MUC7: variants seen among roughly 807,000 people sequenced by gnomAD.
The protein encoded by MUC7 is mucin-7.
In MUC7, 2 loss-of-function variants were observed where a neutral mutation model predicts 2.5. The observed-to-expected ratio is 0.81, with a 90% CI of 0.33 to 2.55. The LOEUF is 2.55. MUC7 is among the 30% of genes most tolerant of loss of function. The pLI is 0.11. For synonymous variants in MUC7, 133 were observed against 173.4 expected (o/e 0.77, Z 1.83); for missense variants, 408 against 455.6 (o/e 0.90, Z 0.95).
chr4:70,440,978 C>G (rs1733990662), intron 1 of MUC7, among the ~76,000 whole-genome samples: 2 of 151,810 alleles, frequency 1.3e-5, no homozygotes, highest in African/African-American at 4.8e-5. Context: ...AGTTGGGAGG[C>G]AGAAAAAAAT....
At chr4:70,433,674 G>A (rs1306725586) in intron 1 of MUC7, among the ~76,000 whole-genome samples, 2 of 152,082 alleles carry the variant, frequency 1.3e-5, no homozygotes, top group African/African-American at 2.4e-5. Flanking sequence ...CTGCAAACAG[G>A]GACAATTTGA....
At chr4:70,462,816 A>AG (rs940965245) in intron 1 of MUC7, among the ~76,000 whole-genome samples, 2 of 152,048 alleles carry the variant, frequency 1.3e-5, no homozygotes, top group African/African-American at 4.8e-5. Context: ...CTAAAAAAAA[A>AG]AATAAATTAG....
intron 1 of MUC7, among the ~76,000 whole-genome samples, chr4:70,441,637 T>G (rs531617466): frequency 6.6e-6 from 1 of 152,326 alleles, no homozygotes; most frequent in East Asian, 1.9e-4. Context: ...TTAAGATGCT[T>G]CTGAAAGGCA....
chr4:70,436,306 G>T (rs142829339), intron 1 of MUC7, among the ~76,000 whole-genome samples: 28 of 152,080 alleles, frequency 1.8e-4, no homozygotes, highest in African/African-American at 6.3e-4. Flanking sequence ...TTCTAATTTG[G>T]TTCCATTCTC....
At chr4:70,435,293 G>C (rs891905592) in intron 1 of MUC7, among the ~76,000 whole-genome samples, 1 of 151,896 alleles carries the variant, frequency 6.6e-6, no homozygotes, top group Non-Finnish European at 1.5e-5. Context: ...ATCTAATATT[G>C]ACAGTGGGGT....
At chr4:70,458,979 C>T (rs908247849) in intron 1 of MUC7, among the ~76,000 whole-genome samples, 2 of 151,962 alleles carry the variant, frequency 1.3e-5, no homozygotes, top group Non-Finnish European at 2.9e-5. Context: ...TCTATCTAGA[C>T]AATATAAAAG....
At chr4:70,460,955 C>T (rs939160808) in intron 1 of MUC7, among the ~76,000 whole-genome samples, 3 of 152,162 alleles carry the variant, frequency 2.0e-5, no homozygotes, top group South Asian at 2.1e-4. Context: ...CAGATCACTG[C>T]GTATGCTAGT....
chr4:70,451,443 G>GT (rs1162612849), intron 1 of MUC7, among the ~76,000 whole-genome samples: 1 of 152,108 alleles, frequency 6.6e-6, no homozygotes, highest in Admixed American at 6.6e-5. Context: ...TTATGAAGGT[G>GT]TTTTTTTCTC....
chr4:70,480,152 T>C (rs41319346), intron 2 of MUC7, among the ~76,000 whole-genome samples: 1,951 of 152,332 alleles, frequency 0.013, 43 homozygotes, highest in African/African-American at 0.045. Flanking sequence ...TCTCTAAAAA[T>C]CAGATGACTC....
intron 1 of MUC7, among the ~76,000 whole-genome samples, chr4:70,439,490 G>T (rs1733949346): frequency 6.6e-6 from 1 of 152,170 alleles, no homozygotes; most frequent in South Asian, 2.1e-4. Context: ...AAGTCGAGAG[G>T]TTAGGTAGTA....
At chr4:70,441,738 T>C (rs2109705896) in intron 1 of MUC7, among the ~76,000 whole-genome samples, 1 of 152,334 alleles carries the variant, frequency 6.6e-6, no homozygotes, top group Admixed American at 6.5e-5. Context: ...GGCTGCAATC[T>C]GGGTTGACAA....
chr4:70,437,180 T>C (rs1325885159), intron 1 of MUC7, among the ~76,000 whole-genome samples: 1 of 152,198 alleles, frequency 6.6e-6, no homozygotes, highest in African/African-American at 2.4e-5. Context: ...GAGGAGGCAG[T>C]CTGTCTGTTC....
intron 1 of MUC7, among the ~76,000 whole-genome samples, chr4:70,441,451 T>A (rs1206904222): frequency 6.6e-6 from 1 of 152,122 alleles, no homozygotes; most frequent in East Asian, 1.9e-4. Context: ...TTTAAAATAG[T>A]GTATCAGCAA....
chr4:70,448,724 T>C (rs1734205715), intron 1 of MUC7, among the ~76,000 whole-genome samples: 1 of 152,222 alleles, frequency 6.6e-6, no homozygotes, highest in Admixed American at 6.5e-5. Flanking sequence ...CTGTGGGTTG[T>C]CTCATCACTT....
intron 2 of MUC7, among the ~76,000 whole-genome samples, chr4:70,476,825 G>C (rs41445344): frequency 2.4e-4 from 36 of 152,162 alleles, no homozygotes; most frequent in African/African-American, 8.4e-4. Context: ...GGAATGTACC[G>C]GAGATTAGCA....
rs540223407 is a variant in MUC7, at chr4:70,433,675, G to A, written c.-93+2988G>A. ...TACAATCATGTCATCTGCAAACAGG[G>A]ACAATTTGACTTCCTCTTTTCCTAA... On this transcript the variant is annotated intron_variant, in intron 1 of 3. Transcript: ENST00000413702. Among the ~76,000 whole-genome samples the A allele has an allele frequency of 2.0e-5, 3 of 152,286 alleles. No individual in the cohort carries two copies. The South Asian group carries it at 6.2e-4, about 32-fold the overall frequency.
At position 70,448,973 on chromosome 4, in the gene MUC7, T is replaced by C. The variant is rs148704083; in HGVS notation, c.-93+18286T>C. On this transcript the variant is annotated intron_variant, in intron 1 of 3. Coordinates refer to the MUC7 transcript ENST00000413702. ...TATATGTCCAGGAATAGGGGTCTAA[T>C]TTCATTCTTCTGCATATGGATATAC... Among the ~76,000 whole-genome samples the C allele has an allele frequency of 2.5e-3, 374 of 152,328 alleles. 4 individuals carry two copies. Among genetic ancestry groups the C allele is most frequent in the African/African-American group, 8.5e-3 (352 of 41,578 alleles).
rs151196430 is a variant in MUC7 at position 70,463,609 on chromosome 4, C to T, written c.-92-8606C>T. ...TATGATGCTGTATCCCATATCACAACATTCAGTGCTAATTTAAAATATGTC... is the reference window on the plus strand; with the variant it reads ...TATGATGCTGTATCCCATATCACAATATTCAGTGCTAATTTAAAATATGTC... On this transcript the variant is annotated intron_variant, in intron 1 of 3. Transcript: ENST00000413702. 6.5e-4 allele frequency among the ~76,000 whole-genome samples: 99 copies of T among 152,312 alleles called. 1 individual carries two copies. The East Asian group carries it at 0.014, about 21-fold the overall frequency.
upstream of MUC7, among the ~76,000 whole-genome samples, chr4:70,467,386 A>C (rs7676292): frequency 0.013 from 2,043 of 152,302 alleles, 47 homozygotes; most frequent in African/African-American, 0.047. Flanking sequence ...AAAAGCTAGC[A>C]GAAGACAAGA....
Sources: gnomAD v4.1 joint callset for allele counts (sites outside exome capture counted in the v4.1 genomes callset) on GRCh38, gnomAD v4.1.1 for gene constraint, MANE v1.5 for transcripts, NCBI Gene and HGNC (gene_info 2026-07-23, HGNC 2026-07-21) for gene names.